The following NOVA1 variants were observed in gnomAD, a reference collection of about 807,000 sequenced individuals.
NOVA1 encodes RNA-binding protein Nova-1.
NOVA1 carries 7 observed loss-of-function variants against 38.0 expected under a neutral mutation model. The observed-to-expected ratio is 0.18, with a 90% CI of 0.10 to 0.35. The LOEUF is 0.35. Ranked by LOEUF, NOVA1 falls within the 10% of genes least tolerant of loss-of-function variation. NOVA1 has a pLI of 1.00. For missense variants in NOVA1, 460 were observed against 616.0 expected (o/e 0.75, Z 2.68); for synonymous variants, 270 against 232.5 (o/e 1.16, Z -1.47).
chr14:26,570,937 G>C (rs1056554714), intron 2 of NOVA1, among the ~76,000 whole-genome samples: 1 of 151,568 alleles, frequency 6.6e-6, no homozygotes, highest in African/African-American at 2.4e-5. Flanking sequence ...TTATAAATAG[G>C]TCTAAGAAAA....
intron 2 of NOVA1, among the ~76,000 whole-genome samples, chr14:26,497,433 G>A (rs966049512): frequency 1.3e-5 from 2 of 152,142 alleles, no homozygotes; most frequent in Non-Finnish European, 2.9e-5. Context: ...CAACGTAAAT[G>A]TCAAAAGAAG....
chr14:26,506,649 G>A (rs542055914), intron 2 of NOVA1, among the ~76,000 whole-genome samples: 2 of 152,060 alleles, frequency 1.3e-5, no homozygotes, highest in African/African-American at 4.8e-5. Context: ...GCATGAACTC[G>A]GCTCACTGCA....
intron 2 of NOVA1, among the ~76,000 whole-genome samples, chr14:26,548,389 C>T (rs1397611166): frequency 6.6e-6 from 1 of 151,948 alleles, no homozygotes; most frequent in Non-Finnish European, 1.5e-5. Context: ...GATATGTGCA[C>T]ATTATAATTT....
intron 2 of NOVA1, among the ~76,000 whole-genome samples, chr14:26,486,218 T>C (rs1885875549): frequency 6.6e-6 from 1 of 152,170 alleles, no homozygotes; most frequent in Non-Finnish European, 1.5e-5. Context: ...GTCTGTTTAC[T>C]CTTACACAAA....
At position 26,444,387 on chromosome 14, in the gene NOVA1, A is replaced by AT. The variant is rs1204702295; in HGVS notation, c.*3571dup. 1 of 152,136 alleles carries AT rather than the reference A, an allele frequency of 6.6e-6. No individual in the cohort carries two copies. Among genetic ancestry groups the AT allele is most frequent in the Non-Finnish European group, 1.5e-5 (1 of 68,018 alleles). 9.4% of individuals were successfully genotyped at this position (152,136 alleles called of 1,614,324 possible). On this transcript the variant is annotated 3_prime_UTR_variant, in exon 5 of 5. Coordinates refer to ENST00000539517, the MANE Select transcript of NOVA1 (RefSeq NM_002515.3). ...TCTTAGAAAGCGATATAAATATATA[A>AT]TACAGGACTTGCTAACCTCTGTTAA... is the stretch of plus-strand genomic sequence containing the variant.
chr14:26,532,287 G>C (rs977851530), intron 2 of NOVA1, among the ~76,000 whole-genome samples: 6 of 152,056 alleles, frequency 3.9e-5, no homozygotes, highest in African/African-American at 1.2e-4. Flanking sequence ...AACGACTTAA[G>C]GTCCATTAAT....
At chr14:26,485,654 A>G (rs1195368973) in intron 2 of NOVA1, among the ~76,000 whole-genome samples, 1 of 152,180 alleles carries the variant, frequency 6.6e-6, no homozygotes, top group East Asian at 1.9e-4. Context: ...TAACGAACAT[A>G]TGCTAATGAT....
At chr14:26,542,271 TGGAACTTTCCAGGAAAA>T (rs1040502117) in intron 2 of NOVA1, among the ~76,000 whole-genome samples, 3 of 151,952 alleles carry the variant, frequency 2.0e-5, no homozygotes, top group African/African-American at 7.2e-5. Context: ...TGTACTCATC[TGGAACTTTCCAGGAAAA>T]AGAATTTTTA....
intron 2 of NOVA1, among the ~76,000 whole-genome samples, chr14:26,586,805 A>G (rs1893542692): frequency 6.6e-6 from 1 of 151,156 alleles, no homozygotes; most frequent in African/African-American, 2.4e-5. Flanking sequence ...TCTAAAAGAA[A>G]TTTGTTAATG....
chr14:26,549,877 G>T, intron 2 of NOVA1: 1 of 420,774 alleles, frequency 2.4e-6, no homozygotes. Context: ...CATACATACA[G>T]GGATGAAAAG....
intron 2 of NOVA1, among the ~76,000 whole-genome samples, chr14:26,522,072 C>A (rs181332408): frequency 6.6e-6 from 1 of 151,950 alleles, no homozygotes; most frequent in African/African-American, 2.4e-5. Flanking sequence ...AAGATAGTTA[C>A]TGCCAAATAT....
At chr14:26,530,272 G>A (rs1228260487) in intron 2 of NOVA1, among the ~76,000 whole-genome samples, 1 of 152,094 alleles carries the variant, frequency 6.6e-6, no homozygotes, top group African/African-American at 2.4e-5. Flanking sequence ...GCTTGGCCTC[G>A]CACTTGTCTA....
At chr14:26,500,877 T>G (rs178195) in intron 2 of NOVA1, among the ~76,000 whole-genome samples, 86,640 of 151,900 alleles carry the variant, frequency 0.57, 29,908 homozygotes, top group Non-Finnish European at 0.75. Context: ...ATAATATGAT[T>G]TATGAAAAAA....
intron 2 of NOVA1, among the ~76,000 whole-genome samples, chr14:26,505,725 T>C (rs1887597162): frequency 6.6e-6 from 1 of 152,222 alleles, no homozygotes; most frequent in Non-Finnish European, 1.5e-5. Flanking sequence ...TATGATCTAA[T>C]TTTTCTTATT....
chr14:26,460,416 A>G (rs1404253094), intron 4 of NOVA1, among the ~76,000 whole-genome samples: 3 of 151,968 alleles, frequency 2.0e-5, no homozygotes, highest in South Asian at 2.1e-4. Context: ...TTCATTTATA[A>G]TATTTCATAA....
intron 2 of NOVA1, among the ~76,000 whole-genome samples, chr14:26,538,407 C>A (rs1321029396): frequency 6.6e-6 from 1 of 151,984 alleles, no homozygotes; most frequent in African/African-American, 2.4e-5. Flanking sequence ...AAGGAAAAAA[C>A]TAATAATCAA....
intron 2 of NOVA1, among the ~76,000 whole-genome samples, chr14:26,562,619 T>C (rs1323949600): frequency 6.6e-6 from 1 of 151,662 alleles, no homozygotes; most frequent in Admixed American, 6.6e-5. Flanking sequence ...AGGAACACAC[T>C]CTGCACAGAG....
chr14:26,596,542 T>G, intron 1 of NOVA1: 2 of 1,288,996 alleles, frequency 1.6e-6, no homozygotes, highest in Non-Finnish European at 2.0e-6. Context: ...CCCCCATCCG[T>G]CTACAATGCA....
intron 2 of NOVA1, among the ~76,000 whole-genome samples, chr14:26,547,280 G>A (rs2138625043): frequency 6.6e-6 from 1 of 151,998 alleles, no homozygotes; most frequent in South Asian, 2.1e-4. Context: ...GAGATAAGAG[G>A]TATCTGTTTT....
Sources: gnomAD v4.1 joint callset for allele counts (sites outside exome capture counted in the v4.1 genomes callset) on GRCh38, gnomAD v4.1.1 for gene constraint, MANE v1.5 for transcripts, NCBI Gene and HGNC (gene_info 2026-07-23, HGNC 2026-07-21) for gene names.